The following SPSB4 variants were observed in gnomAD, a reference collection of about 807,000 sequenced individuals.
SPSB4 encodes the protein SPRY domain-containing SOCS box protein 4.
SPSB4 carries 21 observed loss-of-function variants against 20.9 expected under a neutral mutation model. The observed-to-expected ratio is 1.01, with a 90% confidence interval of 0.71 to 1.45. The LOEUF is 1.45. SPSB4 is among the 40% of genes most tolerant of loss of function. The probability of loss-of-function intolerance (pLI) is 0.00; values close to 1 mark genes in which losing one functional copy is unlikely to be tolerated. For missense variants in SPSB4, 399 were observed against 399.2 expected, an observed-to-expected ratio of 1.00 and a Z score of 0.00; for synonymous variants, 207 against 183.8, an observed-to-expected ratio of 1.13 and a Z score of -1.02.
In SPSB4 at chr3:141,060,468, G is replaced by A. The variant is rs547033880; in HGVS notation, c.-153-5484G>A. On this transcript the variant is annotated intron_variant, in intron 1 of 2. Transcript: ENST00000310546. Reference sequence around the variant, plus strand: ...CTTGTCATATGGTAACTCTGGGGTTGATCCCAGTCCTGCCACTTCCTGGCT... The same window carrying A: ...CTTGTCATATGGTAACTCTGGGGTTAATCCCAGTCCTGCCACTTCCTGGCT... Among the ~76,000 whole-genome samples the A allele has an allele frequency of 5.6e-4, 86 of 152,306 alleles. 1 individual carries two copies. The highest frequency in any genetic ancestry group is 2.0e-3 in the African/African-American group (85 of 41,552).
At chr3:141,108,901 A>G (rs1297305468) in intron 2 of SPSB4, among the ~76,000 whole-genome samples, 1 of 152,202 alleles carries the variant, frequency 6.6e-6, no homozygotes, top group Non-Finnish European at 1.5e-5. Flanking sequence ...GCGGCTTTAA[A>G]TTGCACAGCA....
chr3:141,143,497 C>A (rs1939369121), intron 2 of SPSB4, among the ~76,000 whole-genome samples: 1 of 152,198 alleles, frequency 6.6e-6, no homozygotes, highest in South Asian at 2.1e-4. Flanking sequence ...GCTGTGGATA[C>A]CAGCACCTGC....
rs139819394 is a variant in SPSB4, at chr3:141,087,134, C to A, written c.694+20336C>A. 1.4e-3 allele frequency among the ~76,000 whole-genome samples: 206 copies of A among 152,328 alleles called. 1 individual carries two copies. In the Middle Eastern group the frequency reaches 0.017, roughly 13 times the overall value. On this transcript the variant is annotated intron_variant, in intron 2 of 2. Coordinates refer to ENST00000310546, the MANE Select transcript of SPSB4 (RefSeq NM_080862.3). ...GCCAGATTTGCATGCAGGACCCCGA[C>A]CCTTATTCAGGAGGATGAGCTCTCT...
chr3:141,056,639 G>A lies in SPSB4; in HGVS notation c.-154+4647G>A, dbSNP rs577980878. 7.4e-4 allele frequency among the ~76,000 whole-genome samples: 113 copies of A among 152,366 alleles called. 2 individuals carry two copies. Among genetic ancestry groups the A allele is most frequent in the African/African-American group, 6.0e-4 (25 of 41,592 alleles). ...TTGGGAGGTAAATGAGGGATTGGACGCAAACCTTATCATGTTTTCATCATC... is the reference window on the plus strand; with the variant it reads ...TTGGGAGGTAAATGAGGGATTGGACACAAACCTTATCATGTTTTCATCATC... On this transcript the variant is annotated intron_variant, in intron 1 of 2. Transcript: ENST00000310546.
chr3:141,072,315 G>T (rs1938023014), intron 2 of SPSB4, among the ~76,000 whole-genome samples: 1 of 152,236 alleles, frequency 6.6e-6, no homozygotes, highest in Non-Finnish European at 1.5e-5. Context: ...CATCATATGT[G>T]CCTATTTACT....
intron 2 of SPSB4, among the ~76,000 whole-genome samples, chr3:141,111,002 G>A (rs1316135551): frequency 6.6e-6 from 1 of 152,128 alleles, no homozygotes; most frequent in Non-Finnish European, 1.5e-5. Context: ...TATAGACTTG[G>A]GCTCTAACGT....
chr3:141,109,964 G>T (rs761366239), intron 2 of SPSB4, among the ~76,000 whole-genome samples: 22 of 152,196 alleles, frequency 1.4e-4, no homozygotes, highest in Non-Finnish European at 2.1e-4. Flanking sequence ...TCATCGCAGA[G>T]AATCTCCGCC....
chr3:141,053,474 G>T (rs903205138), intron 1 of SPSB4, among the ~76,000 whole-genome samples: 23 of 151,956 alleles, frequency 1.5e-4, no homozygotes, highest in Non-Finnish European at 2.6e-4. Flanking sequence ...TATATTTAAT[G>T]ATATAAAAAT....
chr3:141,134,059 T>C (rs6763663), intron 2 of SPSB4, among the ~76,000 whole-genome samples: 12 of 140,906 alleles, frequency 8.5e-5, no homozygotes, highest in African/African-American at 2.9e-4. Flanking sequence ...CTTTTTTCTT[T>C]TTTTTTTTTT....
intron 2 of SPSB4, among the ~76,000 whole-genome samples, chr3:141,116,451 A>T (rs76800830): frequency 2.3e-3 from 355 of 152,370 alleles, no homozygotes; most frequent in African/African-American, 8.2e-3. Context: ...GGACTCAGGA[A>T]CAGAACTGAT....
intron 1 of SPSB4, among the ~76,000 whole-genome samples, chr3:141,062,811 G>T (rs915349639): frequency 1.3e-5 from 2 of 151,910 alleles, no homozygotes; most frequent in African/African-American, 4.8e-5. Context: ...AAATTTTTTT[G>T]ATCATTCCAT....
chr3:141,065,055 TC>T (rs1937837897), intron 1 of SPSB4, among the ~76,000 whole-genome samples: 1 of 152,074 alleles, frequency 6.6e-6, no homozygotes, highest in African/African-American at 2.4e-5. Context: ...TCTCTCAAGT[TC>T]CCCCATCACC....
chr3:141,119,997 T>C (rs565803822), intron 2 of SPSB4, among the ~76,000 whole-genome samples: 2 of 152,206 alleles, frequency 1.3e-5, no homozygotes, highest in Non-Finnish European at 2.9e-5. Flanking sequence ...GTTCTTTTCA[T>C]TGTGATGTTA....
chr3:141,131,445 C>G (rs553924731), intron 2 of SPSB4, among the ~76,000 whole-genome samples: 2 of 152,098 alleles, frequency 1.3e-5, no homozygotes, highest in Admixed American at 6.5e-5. Context: ...CTAGTAGAAC[C>G]AGAACTCAAT....
intron 2 of SPSB4, among the ~76,000 whole-genome samples, chr3:141,073,122 T>G (rs1938036533): frequency 6.6e-6 from 1 of 152,222 alleles, no homozygotes; most frequent in Non-Finnish European, 1.5e-5. Context: ...CTGCCCCCTC[T>G]AGCTAATTAA....
chr3:141,081,804 A>C (rs1021377080), intron 2 of SPSB4, among the ~76,000 whole-genome samples: 1 of 152,196 alleles, frequency 6.6e-6, no homozygotes, highest in African/African-American at 2.4e-5. Flanking sequence ...GAGATGAAAT[A>C]AAGCAAAACC....
chr3:141,120,902 C>G (rs576282585), intron 2 of SPSB4, among the ~76,000 whole-genome samples: 73 of 152,174 alleles, frequency 4.8e-4, no homozygotes, highest in Middle Eastern at 3.4e-3. Context: ...GAGCATTTAG[C>G]CCATTTACAT....
At chr3:141,079,000 G>A (rs1317721638) in intron 2 of SPSB4, among the ~76,000 whole-genome samples, 4 of 152,190 alleles carry the variant, frequency 2.6e-5, no homozygotes, top group Non-Finnish European at 4.4e-5. Context: ...GGTGGCTCAT[G>A]CCTGTAATCC....
At chr3:141,052,288 C>G (rs956570760) in intron 1 of SPSB4, among the ~76,000 whole-genome samples, 23 of 152,178 alleles carry the variant, frequency 1.5e-4, no homozygotes, top group Non-Finnish European at 1.5e-5. Flanking sequence ...ATCCAGGATC[C>G]GTCACTCACT....
Sources: allele counts gnomAD v4.1 joint callset (sites outside exome capture counted in the v4.1 genomes callset), GRCh38; gene constraint gnomAD v4.1.1; transcripts MANE v1.5; gene names NCBI Gene and HGNC (gene_info 2026-07-23, HGNC 2026-07-21).